Variants in KCNS3 observed in about 807,000 individuals in gnomAD.
KCNS3 encodes potassium voltage-gated channel modifier subfamily S member 3, also known as delayed-rectifier potassium channel regulatory subunit KCNS3.
KCNS3 carries 13 observed loss-of-function variants against 31.0 expected under a neutral mutation model. The observed-to-expected ratio is 0.42, with a 90% CI of 0.27 to 0.67. The LOEUF is 0.67. Ranked by LOEUF, KCNS3 falls within the 30% of genes least tolerant of loss-of-function variation. The pLI is 0.25. For synonymous variants in KCNS3, 238 were observed against 241.5 expected, an observed-to-expected ratio of 0.99 and a Z score of 0.13; for missense variants, 545 against 622.4, an observed-to-expected ratio of 0.88 and a Z score of 1.32.
chr2:17,888,643 A>ATATATC (rs1661759398), intron 1 of KCNS3, among the ~76,000 whole-genome samples: 8 of 117,456 alleles, frequency 6.8e-5, no homozygotes, highest in Admixed American at 2.5e-4. Flanking sequence ...ATATATATAT[A>ATATATC]TATATATATA....
chr2:17,913,754 T>G lies in KCNS3; in HGVS notation c.-251-3926T>G, dbSNP rs563047431. Among the ~76,000 whole-genome samples, 8 of 152,264 alleles carry G rather than the reference T, an allele frequency of 5.3e-5. No individual in the cohort carries two copies. In the East Asian group the frequency reaches 1.5e-3, roughly 29 times the overall value. On this transcript the variant is annotated intron_variant, in intron 1 of 2. Coordinates refer to ENST00000304101, the MANE Select transcript of KCNS3 (RefSeq NM_002252.5). Reference sequence around the variant, plus strand: ...TTTCCTGTACTTATAGAGCATTGGTTCTTAAGTGGGGATGATTTTGATCTC... The same window carrying G: ...TTTCCTGTACTTATAGAGCATTGGTGCTTAAGTGGGGATGATTTTGATCTC...
intron 1 of KCNS3, among the ~76,000 whole-genome samples, chr2:17,909,954 A>T (rs1662432749): frequency 6.6e-6 from 1 of 152,212 alleles, no homozygotes; most frequent in African/African-American, 2.4e-5. Context: ...GATGTGATGC[A>T]CATTTTAACA....
intron 1 of KCNS3, among the ~76,000 whole-genome samples, chr2:17,910,451 C>T (rs1182312433): frequency 6.6e-6 from 1 of 152,124 alleles, no homozygotes; most frequent in Admixed American, 6.5e-5. Flanking sequence ...AACACAGACC[C>T]CCTACTCTAA....
intron 1 of KCNS3, among the ~76,000 whole-genome samples, chr2:17,908,398 G>C (rs143744486): frequency 1.3e-5 from 2 of 152,036 alleles, no homozygotes; most frequent in Non-Finnish European, 2.9e-5. Context: ...CTTTGCCATG[G>C]GTTCGAACTT....
At chr2:17,891,009 G>A (rs1661841369) in intron 1 of KCNS3, among the ~76,000 whole-genome samples, 1 of 152,164 alleles carries the variant, frequency 6.6e-6, no homozygotes, top group Non-Finnish European at 1.5e-5. Context: ...CCTGTCTAGT[G>A]TTGTCAGTAG....
At chr2:17,880,901 T>C (rs1674631417) in intron 1 of KCNS3, among the ~76,000 whole-genome samples, 1 of 152,218 alleles carries the variant, frequency 6.6e-6, no homozygotes, top group African/African-American at 2.4e-5. Flanking sequence ...ACCACCCATC[T>C]CAATCTGCCC....
At chr2:17,883,212 C>T (rs1026610808) in intron 1 of KCNS3, among the ~76,000 whole-genome samples, 2 of 152,054 alleles carry the variant, frequency 1.3e-5, no homozygotes, top group African/African-American at 2.4e-5. Context: ...ATCAGCCATC[C>T]GAGGACTTAC....
chr2:17,927,515 A>G (rs1479344612), intron 2 of KCNS3, among the ~76,000 whole-genome samples: 1 of 152,202 alleles, frequency 6.6e-6, no homozygotes, highest in Non-Finnish European at 1.5e-5. Context: ...AATATGTTTA[A>G]TTGACTCACA....
intron 2 of KCNS3, among the ~76,000 whole-genome samples, chr2:17,923,986 A>G (rs200365503): frequency 6.6e-6 from 1 of 152,114 alleles, no homozygotes; most frequent in East Asian, 1.9e-4. Context: ...AAATCTTTCA[A>G]TCCGTGAACA....
intron 1 of KCNS3, among the ~76,000 whole-genome samples, chr2:17,904,211 G>A (rs1481465547): frequency 6.6e-6 from 1 of 152,230 alleles, no homozygotes; most frequent in Non-Finnish European, 1.5e-5. Context: ...GATAGCCAGG[G>A]ATGATGAGCA....
At position 17,932,632 on chromosome 2, in the gene KCNS3, G is replaced by T; in HGVS notation, c.*148G>T. ...GACATTCATTGCTGAATTCTGAAATGATAGAATTGTCTTTATTTTTCTCTG... is the reference window on the plus strand; with the variant it reads ...GACATTCATTGCTGAATTCTGAAATTATAGAATTGTCTTTATTTTTCTCTG... On this transcript the variant is annotated 3_prime_UTR_variant, in exon 3 of 3. Coordinates refer to ENST00000304101, the MANE Select transcript of KCNS3 (RefSeq NM_002252.5). 2.5e-6 allele frequency: 2 copies of T among 786,478 alleles called. No individual in the cohort carries two copies. The highest frequency in any genetic ancestry group is 2.0e-6 in the Non-Finnish European group (1 of 505,066). The allele number at this position is 786,478 out of a possible 1,614,324, so 48.7% of individuals were successfully genotyped here.
chr2:17,906,918 C>A (rs530967519), intron 1 of KCNS3, among the ~76,000 whole-genome samples: 116 of 152,172 alleles, frequency 7.6e-4, no homozygotes, highest in East Asian at 1.4e-3. Context: ...TGTGGTGCTG[C>A]GAAGAATGTA....
At chr2:17,897,786 C>T (rs1572484919) in intron 1 of KCNS3, among the ~76,000 whole-genome samples, 1 of 152,108 alleles carries the variant, frequency 6.6e-6, no homozygotes, top group Admixed American at 6.5e-5. Context: ...AATTAGGTCC[C>T]ACTAGTCAAT....
At chr2:17,922,917 A>C (rs1662751569) in intron 2 of KCNS3, among the ~76,000 whole-genome samples, 1 of 152,158 alleles carries the variant, frequency 6.6e-6, no homozygotes, top group Admixed American at 6.5e-5. Flanking sequence ...CATTACATAC[A>C]GTTTTTGTTT....
At chr2:17,897,403 C>A (rs1451937233) in intron 1 of KCNS3, among the ~76,000 whole-genome samples, 1 of 152,152 alleles carries the variant, frequency 6.6e-6, no homozygotes, top group Admixed American at 6.5e-5. Context: ...TTTGGATATA[C>A]CGGTAATGAG....
In KCNS3 at chr2:17,931,544, C is replaced by A. The variant is rs771246155; in HGVS notation, c.536C>A (p.Ala179Glu). ...ATCTGGATTAGAATGGAGAATCCAGCGTACTGCCTGTCCGCTAAGCTTATC... is the reference window on the plus strand; with the variant it reads ...ATCTGGATTAGAATGGAGAATCCAGAGTACTGCCTGTCCGCTAAGCTTATC... ...KKIWIRMENP[A>E]YCLSAKLIAI... Residue 179 changes from alanine (A) to glutamate (E), a missense_variant, in exon 3 of 3, where the codon GCG becomes GAG. Transcript: ENST00000304101. The surrounding 1 kb of genome is among the most constrained non-coding windows in gnomAD (Gnocchi z 5.4). The A allele has an allele frequency of 2.5e-6, 4 of 1,614,170 alleles. No individual in the cohort carries two copies. The highest frequency in any genetic ancestry group is 1.7e-5 in the Admixed American group (1 of 60,026).
chr2:17,884,587 G>A (rs1439213389), intron 1 of KCNS3, among the ~76,000 whole-genome samples: 1 of 151,986 alleles, frequency 6.6e-6, no homozygotes, highest in Non-Finnish European at 1.5e-5. Flanking sequence ...GATGAATGGA[G>A]GTGAGGAAGT....
At chr2:17,911,517 TA>T (rs1471367221) in intron 1 of KCNS3, among the ~76,000 whole-genome samples, 1 of 152,240 alleles carries the variant, frequency 6.6e-6, no homozygotes, top group Non-Finnish European at 1.5e-5. Flanking sequence ...AAATATTTTA[TA>T]ATACCTATTT....
At chr2:17,922,411 G>T (rs1218187013) in intron 2 of KCNS3, among the ~76,000 whole-genome samples, 1 of 152,062 alleles carries the variant, frequency 6.6e-6, no homozygotes, top group Non-Finnish European at 1.5e-5. Flanking sequence ...GTCTCACTGT[G>T]TTGTCAAGGC....
Sources: gnomAD v4.1 joint callset for allele counts (sites outside exome capture counted in the v4.1 genomes callset) on GRCh38, gnomAD v4.1.1 for gene constraint, Gnocchi (gnomAD v3.1) non-coding constraint, MANE v1.5 for transcripts, NCBI Gene and HGNC (gene_info 2026-07-23, HGNC 2026-07-21) for gene names.